Variants in KLF12 observed in about 807,000 individuals in gnomAD.
KLF12 encodes the protein Krueppel-like factor 12.
In KLF12, 9 loss-of-function variants were observed where a neutral mutation model predicts 37.8. That is an observed-to-expected ratio of 0.24 (90% CI 0.14 to 0.42). KLF12 has a LOEUF of 0.42. Among genes scored for constraint, KLF12 ranks in the 10% least tolerant of loss-of-function variants. KLF12 has a pLI of 1.00. For missense variants in KLF12, 411 were observed against 516.0 expected (o/e 0.80, Z 1.97); for synonymous variants, 208 against 202.1 (o/e 1.03, Z -0.25).
At chr13:73,783,735 G>A (rs1004575542) in intron 5 of KLF12, among the ~76,000 whole-genome samples, 1 of 152,084 alleles carries the variant, frequency 6.6e-6, no homozygotes, top group Non-Finnish European at 1.5e-5. Context: ...ATGACCCCAA[G>A]AGTATGCAAT....
At chr13:73,774,968 A>G (rs1252175551) in intron 5 of KLF12, among the ~76,000 whole-genome samples, 1 of 139,522 alleles carries the variant, frequency 7.2e-6, no homozygotes, top group East Asian at 2.1e-4. Context: ...CCCAGGCTGG[A>G]TTACAATGGC....
intron 1 of KLF12, among the ~76,000 whole-genome samples, chr13:74,073,504 GTTTC>G (rs1486464881): frequency 6.6e-6 from 1 of 152,120 alleles, no homozygotes; most frequent in African/African-American, 2.4e-5. Context: ...AACTATGCTT[GTTTC>G]TTTGAGTTCA....
chr13:73,719,607 C>T lies in KLF12; in HGVS notation c.870-4082G>A, dbSNP rs370721197. ...CTCCTACGCCCATTTCCCCGAGTTG[C>T]TTTTTTTTTTTGAGATAGGGTCTTG... is the stretch of plus-strand genomic sequence containing the variant. On this transcript the variant is annotated intron_variant, in intron 6 of 7. Coordinates refer to ENST00000377669, the MANE Select transcript of KLF12 (RefSeq NM_007249.5). Among the ~76,000 whole-genome samples the T allele has an allele frequency of 5.1e-3, 738 of 143,580 alleles. 6 individuals are homozygous for T. The highest frequency in any genetic ancestry group is 0.017 in the African/African-American group (687 of 39,468). 94.2% of individuals were successfully genotyped at this position (143,580 alleles called of 152,430 possible).
chr13:73,990,060 A>T (rs1891927382), intron 2 of KLF12, among the ~76,000 whole-genome samples: 2 of 152,208 alleles, frequency 1.3e-5, no homozygotes, highest in South Asian at 4.1e-4. Context: ...GGAACAAAAA[A>T]GTAAATAATT....
the KLF12 span, chr13:74,257,706 A>G: frequency 0.39 from 59,767 of 152,032 alleles, 15,034 homozygotes; most frequent in African/African-American, 0.72. Flanking sequence ...AAAATGATGC[A>G]CTTTCTACAC....
chr13:73,912,614 A>G (rs1185943439), intron 3 of KLF12, among the ~76,000 whole-genome samples: 1 of 152,124 alleles, frequency 6.6e-6, no homozygotes, highest in Non-Finnish European at 1.5e-5. Flanking sequence ...CTTCTCTCCT[A>G]CAGGTTTCAG....
In KLF12 at chr13:73,737,768, T is replaced by C. The variant is rs531614248; in HGVS notation, c.870-22243A>G. On this transcript the variant is annotated intron_variant, in intron 6 of 7. Transcript: ENST00000377669. The stretch of plus-strand genomic sequence containing the variant: ...TCATTTAGGTATATCTAAAAGCTGA[T>C]TTTCACAGCAAGAAGATTAGCTAAA... Among the ~76,000 whole-genome samples, 5 of 152,128 alleles carry C rather than the reference T, an allele frequency of 3.3e-5. No homozygotes were observed. The South Asian group carries it at 8.3e-4, about 25-fold the overall frequency.
chr13:73,774,575 A>G (rs1276116809), intron 5 of KLF12, among the ~76,000 whole-genome samples: 1 of 152,154 alleles, frequency 6.6e-6, no homozygotes, highest in Admixed American at 6.5e-5. Flanking sequence ...TAATTGTTCG[A>G]GCAACGATAA....
Position 73,846,077 on chromosome 13 carries a change from T to C in KLF12, c.420A>G (p.Ser140=), listed in dbSNP as rs1594162890. Residue 140 remains serine, a synonymous_variant, in exon 4 of 8, where the codon TCA becomes TCG. Coordinates refer to ENST00000377669, the MANE Select transcript of KLF12 (RefSeq NM_007249.5). ...CAAGGGGCCCTGGAGTTAATACTGT[T>C]GACGAAGATGACGCTGAAGATACTG... 2 of 1,613,946 alleles carry C rather than the reference T, an allele frequency of 1.2e-6. No individual in the cohort carries two copies. Among genetic ancestry groups the C allele is most frequent in the Admixed American group, 1.7e-5 (1 of 59,974 alleles).
chr13:73,829,138 G>A (rs991452773), intron 4 of KLF12, among the ~76,000 whole-genome samples: 1 of 152,118 alleles, frequency 6.6e-6, no homozygotes, highest in Non-Finnish European at 1.5e-5. Context: ...GACTGTGAGT[G>A]TATTGTGGGT....
chr13:73,858,005 A>G (rs1477651092), intron 3 of KLF12, among the ~76,000 whole-genome samples: 2 of 152,212 alleles, frequency 1.3e-5, no homozygotes, highest in Non-Finnish European at 2.9e-5. Context: ...TATACATGAA[A>G]ATAATACATG....
In KLF12 at chr13:73,751,666, GA is replaced by G. The variant is rs1177741533; in HGVS notation, c.869+13271del. ...GAGGAATGAGAAGACTGAGGTTAGG[GA>G]ATATGAACAGATAGAATAAATGGCT... On this transcript the variant is annotated intron_variant, in intron 6 of 7. Transcript: ENST00000377669. Among the ~76,000 whole-genome samples the G allele has an allele frequency of 2.6e-5, 4 of 152,182 alleles. No homozygotes were observed. The South Asian group carries it at 6.2e-4, about 24-fold the overall frequency.
chr13:73,695,696 C>G lies in KLF12; in HGVS notation c.1028-25G>C, dbSNP rs1295492813. On this transcript the variant is annotated intron_variant, in intron 7 of 7. Coordinates refer to ENST00000377669, the MANE Select transcript of KLF12 (RefSeq NM_007249.5). ...CCTGGAAGAAACAAAGGAACACAAG[C>G]TTTGGTGCTCCATCCATCACTTTGC... is the stretch of plus-strand genomic sequence containing the variant. 1.9e-6 allele frequency: 3 copies of G among 1,606,694 alleles called. No individual in the cohort carries two copies. In the South Asian group the frequency reaches 3.3e-5, roughly 18 times the overall value.
At chr13:74,133,127 T>G (rs73214839) in intron 1 of KLF12, among the ~76,000 whole-genome samples, 1 of 152,042 alleles carries the variant, frequency 6.6e-6, no homozygotes, top group African/African-American at 2.4e-5. Flanking sequence ...CAAGTGACAG[T>G]TACACATCAT....
chr13:74,084,626 C>A (rs1875146864), intron 1 of KLF12, among the ~76,000 whole-genome samples: 1 of 152,166 alleles, frequency 6.6e-6, no homozygotes, highest in Non-Finnish European at 1.5e-5. Flanking sequence ...TGCTCCATTA[C>A]ACATATTATT....
chr13:73,942,198 C>T (rs1184354786), intron 3 of KLF12, among the ~76,000 whole-genome samples: 1 of 152,170 alleles, frequency 6.6e-6, no homozygotes, highest in Non-Finnish European at 1.5e-5. Context: ...AACCCACGAT[C>T]CTGGCTTTGA....
chr13:73,969,007 C>T (rs1311223285), intron 2 of KLF12, among the ~76,000 whole-genome samples: 2 of 138,018 alleles, frequency 1.4e-5, no homozygotes, highest in African/African-American at 5.4e-5. Flanking sequence ...CATCTCACAT[C>T]TCTCTCCCTT....
chr13:73,968,827 G>C (rs1471403315), intron 2 of KLF12, among the ~76,000 whole-genome samples: 1 of 151,880 alleles, frequency 6.6e-6, no homozygotes, highest in Non-Finnish European at 1.5e-5. Context: ...CTTCTCCCTC[G>C]ACACGTTGAT....
chr13:74,211,533 C>T, the KLF12 span, among the ~76,000 whole-genome samples: 16 of 152,094 alleles, frequency 1.1e-4, no homozygotes, highest in East Asian at 2.3e-3. Context: ...ACAATTTGCC[C>T]GCGGGCTTCA....
Sources: gnomAD v4.1 joint callset for allele counts (sites outside exome capture counted in the v4.1 genomes callset) on GRCh38, gnomAD v4.1.1 for gene constraint, MANE v1.5 for transcripts, NCBI Gene and HGNC (gene_info 2026-07-23, HGNC 2026-07-21) for gene names.